Variants in PPA2 observed in about 807,000 individuals in gnomAD.
PPA2 encodes inorganic pyrophosphatase 2, mitochondrial.
PPA2 carries 48 observed loss-of-function variants against 49.5 expected under a neutral mutation model. The ratio of observed to expected loss-of-function variants is 0.97; its 90% CI spans 0.77 to 1.23. The LOEUF is 1.23. PPA2 is among the 50% of genes most tolerant of loss of function. The pLI, the probability that PPA2 is intolerant of heterozygous loss-of-function variation, is 0.00. For synonymous variants in PPA2, 131 were observed against 139.9 expected (o/e 0.94, Z 0.45); for missense variants, 429 against 410.1 (o/e 1.05, Z -0.40).
At chr4:105,408,592 T>A (rs116079132) in intron 7 of PPA2, among the ~76,000 whole-genome samples, 3,382 of 152,222 alleles carry the variant, frequency 0.022, 132 homozygotes, top group African/African-American at 0.077. Context: ...GGGAATCTGG[T>A]GACAAACTGT....
At chr4:105,458,699 G>A (rs1329515475) in intron 1 of PPA2, among the ~76,000 whole-genome samples, 1 of 151,448 alleles carries the variant, frequency 6.6e-6, no homozygotes, top group Non-Finnish European at 1.5e-5. Context: ...GTGCATGCCT[G>A]TAATCTCAGC....
intron 3 of PPA2, 50 bp downstream of exon 3, chr4:105,453,548 T>C: frequency 1.5e-6 from 2 of 1,367,808 alleles, no homozygotes; most frequent in Non-Finnish European, 2.0e-6. Flanking sequence ...TCAAGGTATT[T>C]AACAGACAAT....
At chr4:105,370,952 G>T in intron 10 of PPA2, 79 bp from the exon 11 acceptor site, 1 of 1,315,552 alleles carries the variant, frequency 7.6e-7, no homozygotes, top group Non-Finnish European at 1.0e-6. Context: ...GTTTTTTCAC[G>T]AAATTATAGA....
At chr4:105,421,986 T>A (rs146702529) in intron 7 of PPA2, among the ~76,000 whole-genome samples, 91 of 152,116 alleles carry the variant, frequency 6.0e-4, no homozygotes, top group African/African-American at 2.0e-3. Flanking sequence ...GTGGTTGCAG[T>A]GAGCTGAGAT....
chr4:105,442,182 T>C (rs115658091), intron 5 of PPA2, among the ~76,000 whole-genome samples: 310 of 152,260 alleles, frequency 2.0e-3, no homozygotes, highest in African/African-American at 7.1e-3. Context: ...CCAGCTTTAA[T>C]TTGGAGCAAA....
In PPA2 at chr4:105,413,164, T is replaced by A. The variant is rs184506905; in HGVS notation, c.655+11032A>T. On this transcript the variant is annotated intron_variant, in intron 7 of 11. Coordinates refer to ENST00000341695, the MANE Select transcript of PPA2 (RefSeq NM_176869.3). ...TACTATGCAGCCATAAAAGGGTGAG[T>A]TCATGTCCTTTGCAAGGTCATGGAT... 5.2e-3 allele frequency among the ~76,000 whole-genome samples: 789 copies of A among 152,108 alleles called. 6 individuals are homozygous for A. The highest frequency in any genetic ancestry group is 0.018 in the African/African-American group (746 of 41,492).
intron 10 of PPA2, among the ~76,000 whole-genome samples, chr4:105,376,380 G>T (rs997916865): frequency 6.6e-6 from 1 of 152,182 alleles, no homozygotes; most frequent in Non-Finnish European, 1.5e-5. Flanking sequence ...AATGTAGCAA[G>T]AAATAATACA....
intron 9 of PPA2, among the ~76,000 whole-genome samples, chr4:105,391,075 T>G (rs552012241): frequency 6.6e-6 from 1 of 151,786 alleles, no homozygotes; most frequent in Admixed American, 6.6e-5. Flanking sequence ...CTCAGCAAAC[T>G]AATGCAGGAG....
At chr4:105,444,071 T>C (rs1724497813) in intron 5 of PPA2, among the ~76,000 whole-genome samples, 1 of 152,234 alleles carries the variant, frequency 6.6e-6, no homozygotes, top group African/African-American at 2.4e-5. Context: ...AAATAAAAGC[T>C]CCAGAGAAAT....
At chr4:105,389,765 A>G (rs1043102879) in intron 9 of PPA2, among the ~76,000 whole-genome samples, 2 of 152,230 alleles carry the variant, frequency 1.3e-5, no homozygotes, top group South Asian at 2.1e-4. Context: ...TGTTCAGGAT[A>G]AAGATTTGTC....
At chr4:105,391,041 T>C (rs1733896456) in intron 9 of PPA2, among the ~76,000 whole-genome samples, 1 of 151,296 alleles carries the variant, frequency 6.6e-6, no homozygotes, top group Non-Finnish European at 1.5e-5. Flanking sequence ...TGCAGGGACA[T>C]GGATGAAGCT....
intron 10 of PPA2, among the ~76,000 whole-genome samples, chr4:105,383,164 C>G (rs1160527126): frequency 2.6e-5 from 4 of 152,168 alleles, no homozygotes; most frequent in Non-Finnish European, 5.9e-5. Context: ...GTTTATGATA[C>G]AGTCATGCTT....
chr4:105,456,336 G>T (rs1234189030), intron 2 of PPA2: 1 of 443,220 alleles, frequency 2.3e-6, no homozygotes, highest in Non-Finnish European at 4.4e-6. Context: ...ATAACATCAT[G>T]TTCACATAGT....
intron 3 of PPA2, among the ~76,000 whole-genome samples, chr4:105,453,362 A>G (rs1237677476): frequency 6.6e-6 from 1 of 152,238 alleles, no homozygotes; most frequent in Admixed American, 6.5e-5. Flanking sequence ...TAATGCCACT[A>G]AATTGTACTT....
rs140895691 is a variant in PPA2, at chr4:105,460,484, G to C, written c.158-3739C>G. ...GCAAATACAGAGGGACAACTGTAATGTATAAATGGAAGCTCTTATTCCAAG... is the reference window on the plus strand; with the variant it reads ...GCAAATACAGAGGGACAACTGTAATCTATAAATGGAAGCTCTTATTCCAAG... On this transcript the variant is annotated intron_variant, in intron 1 of 11. Coordinates refer to ENST00000341695, the MANE Select transcript of PPA2 (RefSeq NM_176869.3). 2.1e-4 allele frequency among the ~76,000 whole-genome samples: 32 copies of C among 152,322 alleles called. No individual in the cohort carries two copies. The East Asian group carries it at 6.0e-3, about 28-fold the overall frequency.
chr4:105,409,597 C>G (rs1482168560), intron 7 of PPA2, among the ~76,000 whole-genome samples: 1 of 152,200 alleles, frequency 6.6e-6, no homozygotes, highest in Non-Finnish European at 1.5e-5. Context: ...TCAAGTGGGT[C>G]CCTGACCCCC....
In PPA2 at chr4:105,396,215, T is replaced by C. The variant is rs765887224; in HGVS notation, c.869+34A>G. On this transcript the variant is annotated intron_variant, in intron 9 of 11. Transcript: ENST00000341695. ...TGTGGCTGTTTAATACCAATTAATA[T>C]AACATTACTTACATAGAAAAGACAA... 10 of 1,368,158 alleles carry C rather than the reference T, an allele frequency of 7.3e-6. No homozygotes were observed. In the East Asian group the frequency reaches 2.2e-4, roughly 30 times the overall value. The allele number at this position is 1,368,158 out of a possible 1,614,324, so 84.8% of individuals were successfully genotyped here.
intron 6 of PPA2, among the ~76,000 whole-genome samples, chr4:105,436,807 T>C (rs895552334): frequency 2.6e-5 from 4 of 152,036 alleles, no homozygotes; most frequent in Admixed American, 2.6e-4. Flanking sequence ...TCTCACCACA[T>C]ACAAAAATTA....
At chr4:105,453,227 C>T (rs1334019186) in intron 3 of PPA2, among the ~76,000 whole-genome samples, 1 of 152,160 alleles carries the variant, frequency 6.6e-6, no homozygotes, top group Non-Finnish European at 1.5e-5. Flanking sequence ...TAGAATAGTG[C>T]TTCCCAGGGC....
Sources: allele counts gnomAD v4.1 joint callset (sites outside exome capture counted in the v4.1 genomes callset), GRCh38; gene constraint gnomAD v4.1.1; transcripts MANE v1.5; gene names NCBI Gene and HGNC (gene_info 2026-07-23, HGNC 2026-07-21).